CSMD1: variants seen among roughly 807,000 people sequenced by gnomAD.
The protein encoded by CSMD1 is CUB and sushi domain-containing protein 1.
A neutral mutation model predicts 417.5 loss-of-function variants in CSMD1; 213 were observed. That is an observed-to-expected ratio of 0.51 (90% CI 0.46 to 0.57). The LOEUF (loss-of-function observed/expected upper bound fraction) is 0.57, where lower values mean the gene tolerates loss of function less well. CSMD1 is among the 20% of genes least tolerant of loss of function. The pLI is 0.00. For synonymous variants in CSMD1, 2,862 were observed against 1,736.8 expected, an observed-to-expected ratio of 1.65 and a Z score of -16.11; for missense variants, 6,923 against 4,529.7, an observed-to-expected ratio of 1.53 and a Z score of -15.17.
intron 3 of CSMD1, among the ~76,000 whole-genome samples, chr8:4,130,918 A>G (rs893949619): frequency 6.6e-6 from 1 of 152,072 alleles, no homozygotes; most frequent in African/African-American, 2.4e-5. Context: ...GGACGGATTA[A>G]TTATTCAGGC....
chr8:3,650,648 C>G (rs1412494054), intron 7 of CSMD1, among the ~76,000 whole-genome samples: 2 of 152,194 alleles, frequency 1.3e-5, no homozygotes, highest in Non-Finnish European at 1.5e-5. Context: ...TAAGAGAACA[C>G]TACCATCACG....
chr8:3,009,407 T>C (rs1262631755), intron 52 of CSMD1, among the ~76,000 whole-genome samples: 2 of 152,254 alleles, frequency 1.3e-5, no homozygotes, highest in Non-Finnish European at 2.9e-5. Flanking sequence ...ATATGCTTTA[T>C]TCTATCCATT....
rs1345280857 is a variant in CSMD1, at chr8:3,174,927, G to A, written c.5725+6183C>T. Among the ~76,000 whole-genome samples, 10 of 151,952 alleles carry A rather than the reference G, an allele frequency of 6.6e-5. No homozygotes were observed. In the East Asian group the frequency reaches 7.7e-4, roughly 12 times the overall value. On this transcript the variant is annotated intron_variant, in intron 37 of 69. Transcript: ENST00000635120. ...ACATGTTTGACTATGTATTTTTTGAGTGAGATCTTATTTGTTCATGACATA... is the reference window on the plus strand; with the variant it reads ...ACATGTTTGACTATGTATTTTTTGAATGAGATCTTATTTGTTCATGACATA...
intron 10 of CSMD1, among the ~76,000 whole-genome samples, chr8:3,564,188 A>T (rs1799595731): frequency 6.6e-6 from 1 of 152,212 alleles, no homozygotes; most frequent in South Asian, 2.1e-4. Flanking sequence ...GAAATATATA[A>T]TAAATTATCA....
intron 3 of CSMD1, among the ~76,000 whole-genome samples, chr8:4,272,137 G>A (rs1417824243): frequency 6.6e-6 from 1 of 152,056 alleles, no homozygotes; most frequent in African/African-American, 2.4e-5. Context: ...CTGGACACAT[G>A]GAGTCTTACT....
chr8:3,073,987 C>A (rs189954328), intron 49 of CSMD1, among the ~76,000 whole-genome samples: 1 of 152,310 alleles, frequency 6.6e-6, no homozygotes, highest in East Asian at 1.9e-4. Context: ...TTTATTCCAA[C>A]ACGATTTCTG....
At chr8:4,966,237 G>C (rs1009372621) in intron 1 of CSMD1, among the ~76,000 whole-genome samples, 9 of 139,238 alleles carry the variant, frequency 6.5e-5, no homozygotes, top group African/African-American at 2.3e-4. Context: ...AAATTAGCTG[G>C]GTATGGTGGC....
At chr8:3,842,948 C>G (rs886363079) in intron 5 of CSMD1, among the ~76,000 whole-genome samples, 18 of 152,076 alleles carry the variant, frequency 1.2e-4, no homozygotes, top group African/African-American at 4.1e-4. Flanking sequence ...ATTGAAACTA[C>G]AAAAAGTCAA....
intron 3 of CSMD1, among the ~76,000 whole-genome samples, chr8:4,353,948 C>T (rs1191817264): frequency 6.6e-6 from 1 of 152,142 alleles, no homozygotes; most frequent in Non-Finnish European, 1.5e-5. Flanking sequence ...TAGGGAACTT[C>T]ATCAGCCCTC....
chr8:3,879,795 T>G (rs1432665335), intron 5 of CSMD1, among the ~76,000 whole-genome samples: 1 of 151,798 alleles, frequency 6.6e-6, no homozygotes, highest in Admixed American at 6.6e-5. Flanking sequence ...CAGATATTTG[T>G]CATTTATTTC....
intron 10 of CSMD1, among the ~76,000 whole-genome samples, chr8:3,502,604 C>A (rs1160787175): frequency 6.6e-6 from 1 of 152,058 alleles, no homozygotes; most frequent in African/African-American, 2.4e-5. Flanking sequence ...TGAAACAAGC[C>A]AATTTTAGAA....
At chr8:3,317,760 TTG>T (rs1805871169) in intron 23 of CSMD1, among the ~76,000 whole-genome samples, 1 of 152,202 alleles carries the variant, frequency 6.6e-6, no homozygotes, top group Non-Finnish European at 1.5e-5. Context: ...GTTATAAATT[TTG>T]TGTTTAGTAA....
chr8:4,503,225 C>T (rs748374846), intron 2 of CSMD1, among the ~76,000 whole-genome samples: 8 of 152,070 alleles, frequency 5.3e-5, no homozygotes, highest in Non-Finnish European at 1.0e-4. Flanking sequence ...AAGTCTACAG[C>T]GTCATAGTGT....
chr8:3,441,784 T>G (rs185101109), intron 12 of CSMD1, among the ~76,000 whole-genome samples: 48 of 152,210 alleles, frequency 3.2e-4, no homozygotes, highest in African/African-American at 9.6e-4. Flanking sequence ...TGACATTGCT[T>G]TATATATTTA....
At chr8:3,175,529 C>CTTTT (rs1820878962) in intron 37 of CSMD1, among the ~76,000 whole-genome samples, 1 of 122,104 alleles carries the variant, frequency 8.2e-6, no homozygotes, top group Non-Finnish European at 1.7e-5. Flanking sequence ...TCCTTCCTTC[C>CTTTT]TTCCTTCTTC....
At chr8:3,984,585 G>C (rs1422113518) in intron 5 of CSMD1, among the ~76,000 whole-genome samples, 2 of 150,712 alleles carry the variant, frequency 1.3e-5, no homozygotes, top group Non-Finnish European at 3.0e-5. Flanking sequence ...TACAATATTT[G>C]GATTCTTCAA....
At chr8:3,891,379 A>C (rs1806960674) in intron 5 of CSMD1, among the ~76,000 whole-genome samples, 1 of 152,080 alleles carries the variant, frequency 6.6e-6, no homozygotes, top group African/African-American at 2.4e-5. Context: ...AGGTCAATTC[A>C]ATTCCAAAAT....
chr8:3,696,888 G>A (rs1233779870), intron 7 of CSMD1, among the ~76,000 whole-genome samples: 1 of 152,116 alleles, frequency 6.6e-6, no homozygotes, highest in Non-Finnish European at 1.5e-5. Context: ...GAACTCCCAT[G>A]AAAATAGATT....
At chr8:3,304,210 C>T (rs982521316) in intron 25 of CSMD1, among the ~76,000 whole-genome samples, 1 of 152,008 alleles carries the variant, frequency 6.6e-6, no homozygotes, top group Non-Finnish European at 1.5e-5. Flanking sequence ...TTTTAAAGAG[C>T]TAAATTAATC....
Sources: allele counts gnomAD v4.1 joint callset (sites outside exome capture counted in the v4.1 genomes callset), GRCh38; gene constraint gnomAD v4.1.1; transcripts MANE v1.5; gene names NCBI Gene and HGNC (gene_info 2026-07-23, HGNC 2026-07-21).